Variants in FOXP2 observed in about 807,000 individuals in gnomAD.
FOXP2 encodes forkhead box protein P2.
A neutral mutation model predicts 115.8 loss-of-function variants in FOXP2; 12 were observed. The observed-to-expected ratio is 0.10, with a 90% confidence interval of 0.07 to 0.17. The LOEUF is 0.17. FOXP2 is among the 10% of genes least tolerant of loss of function. The pLI is 1.00. For synonymous variants in FOXP2, 328 were observed against 297.7 expected, an observed-to-expected ratio of 1.10 and a Z score of -1.05; for missense variants, 629 against 843.5, an observed-to-expected ratio of 0.75 and a Z score of 3.15.
chr7:114,457,502 G>C (rs1462082625), intron 2 of FOXP2, among the ~76,000 whole-genome samples: 1 of 152,036 alleles, frequency 6.6e-6, no homozygotes, highest in African/African-American at 2.4e-5. Flanking sequence ...GTCATATTGT[G>C]AAAAAAATTG....
At chr7:114,660,917 T>G (rs186734936) in intron 13 of FOXP2, among the ~76,000 whole-genome samples, 81 of 152,248 alleles carry the variant, frequency 5.3e-4, no homozygotes, top group Admixed American at 1.4e-3. Flanking sequence ...GAACAGCTTA[T>G]TAGTTCTAAC....
Position 114,482,404 on chromosome 7 carries a change from T to A in FOXP2, c.169-52213T>A, listed in dbSNP as rs185365847. On this transcript the variant is annotated intron_variant, in intron 2 of 16. Coordinates refer to ENST00000350908, the MANE Select transcript of FOXP2 (RefSeq NM_014491.4). ...TGCTCAATTGTTATGCCAAATTGGA[T>A]TTTCAACTGAAGGTAATTTGAGATT... Among the ~76,000 whole-genome samples, 53 of 151,704 alleles carry A rather than the reference T, an allele frequency of 3.5e-4. No homozygotes were observed. In the East Asian group the frequency reaches 8.7e-3, roughly 25 times the overall value.
intron 1 of FOXP2, among the ~76,000 whole-genome samples, chr7:114,148,818 T>C (rs1792454441): frequency 6.6e-6 from 1 of 152,192 alleles, no homozygotes; most frequent in South Asian, 2.1e-4. Context: ...TTTATAAATA[T>C]GCCACATCTG....
chr7:114,535,405 A>G (rs890176221), intron 3 of FOXP2, among the ~76,000 whole-genome samples: 18 of 151,644 alleles, frequency 1.2e-4, no homozygotes, highest in Non-Finnish European at 2.2e-4. Flanking sequence ...GAATTGCATA[A>G]AACATCTCTC....
rs56751704 is a variant in FOXP2, at chr7:114,688,208, TACACACACAC to T, written c.2004-1544_2004-1535del. Among the ~76,000 whole-genome samples, 589 of 115,346 alleles carry T rather than the reference TACACACACAC, an allele frequency of 5.1e-3. 17 individuals are homozygous for T. Among genetic ancestry groups the T allele is most frequent in the Non-Finnish European group, 6.7e-3 (398 of 59,094 alleles). 75.7% of individuals were successfully genotyped at this position (115,346 alleles called of 152,430 possible). On this transcript the variant is annotated intron_variant, in intron 16 of 16. Coordinates refer to ENST00000350908, the MANE Select transcript of FOXP2 (RefSeq NM_014491.4). The stretch of plus-strand genomic sequence containing the variant: ...ACACACAAACACATGCATACATGCA[TACACACACAC>T]ACACACACACACACACACACACACA...
At chr7:114,381,351 G>A (rs925425654) in intron 2 of FOXP2, among the ~76,000 whole-genome samples, 6 of 152,106 alleles carry the variant, frequency 3.9e-5, no homozygotes, top group Admixed American at 6.5e-5. Flanking sequence ...GTGGCTTGAT[G>A]GCACAAGATT....
chr7:114,525,597 C>T (rs1264818300), intron 2 of FOXP2, among the ~76,000 whole-genome samples: 5 of 152,110 alleles, frequency 3.3e-5, no homozygotes, highest in Non-Finnish European at 4.4e-5. Flanking sequence ...ATTCCAATCT[C>T]TCTCTCATTC....
chr7:114,682,283 AT>A (rs567840965), intron 16 of FOXP2, among the ~76,000 whole-genome samples: 16 of 152,166 alleles, frequency 1.1e-4, no homozygotes, highest in Non-Finnish European at 1.9e-4. Context: ...AATATTATAA[AT>A]GAGGTGCCTA....
intron 1 of FOXP2, among the ~76,000 whole-genome samples, chr7:114,240,895 T>C (rs1795134880): frequency 6.6e-6 from 1 of 152,072 alleles, no homozygotes; most frequent in Non-Finnish European, 1.5e-5. Context: ...TTGTTTTCTT[T>C]CTACATTTAA....
At chr7:114,331,154 GATAA>G (rs1797701160) in intron 2 of FOXP2, among the ~76,000 whole-genome samples, 1 of 152,052 alleles carries the variant, frequency 6.6e-6, no homozygotes, top group Admixed American at 6.5e-5. Flanking sequence ...AATACTTTTT[GATAA>G]ATAAGACAAA....
At chr7:114,657,992 T>A in intron 10 of FOXP2, 74 bp from the exon 11 acceptor site, 4 of 1,540,464 alleles carry the variant, frequency 2.6e-6, no homozygotes, top group Non-Finnish European at 3.6e-6. Context: ...GAATCCACTC[T>A]CATTTGTCAA....
At chr7:114,214,647 T>G (rs1292278150) in intron 1 of FOXP2, among the ~76,000 whole-genome samples, 1 of 152,154 alleles carries the variant, frequency 6.6e-6, no homozygotes, top group African/African-American at 2.4e-5. Context: ...GCCACAGAGC[T>G]CTGCAGGTTG....
At chr7:114,413,156 A>T (rs1041907683), upstream of FOXP2, among the ~76,000 whole-genome samples, 5 of 152,134 alleles carry the variant, frequency 3.3e-5, no homozygotes, top group African/African-American at 1.2e-4. Flanking sequence ...TGATGTGATA[A>T]TGGAAACTAT....
chr7:114,630,517 C>A (rs773078351), intron 5 of FOXP2: 66 of 173,842 alleles, frequency 3.8e-4, no homozygotes, highest in Non-Finnish European at 7.3e-4. Context: ...AACTGACAAG[C>A]GGGCTTCTCA....
chr7:114,239,029 C>T (rs1400307359), intron 1 of FOXP2, among the ~76,000 whole-genome samples: 1 of 147,624 alleles, frequency 6.8e-6, no homozygotes, highest in African/African-American at 2.6e-5. Flanking sequence ...ACAGCATTCA[C>T]GTTTCAGTTA....
chr7:114,467,452 G>A (rs1795852012), intron 2 of FOXP2, among the ~76,000 whole-genome samples: 1 of 152,146 alleles, frequency 6.6e-6, no homozygotes, highest in Admixed American at 6.6e-5. Flanking sequence ...GAAAAGTGAA[G>A]AGTGAGAGTA....
intron 2 of FOXP2, among the ~76,000 whole-genome samples, chr7:114,480,753 A>G (rs1047434342): frequency 4.7e-5 from 7 of 150,444 alleles, no homozygotes; most frequent in African/African-American, 1.7e-4. Context: ...ATGTATGTAT[A>G]CGTATATATA....
intron 2 of FOXP2, among the ~76,000 whole-genome samples, chr7:114,459,686 G>A (rs534592730): frequency 6.6e-6 from 1 of 152,186 alleles, no homozygotes; most frequent in South Asian, 2.1e-4. Context: ...TGTGATCTCG[G>A]CTCACAGCAA....
At chr7:114,509,966 G>C (rs1466160984) in intron 2 of FOXP2, among the ~76,000 whole-genome samples, 1 of 151,986 alleles carries the variant, frequency 6.6e-6, no homozygotes, top group South Asian at 2.1e-4. Context: ...ATCGGGAGAG[G>C]TAGAAAACAT....
Sources: gnomAD v4.1 joint callset for allele counts (sites outside exome capture counted in the v4.1 genomes callset) on GRCh38, gnomAD v4.1.1 for gene constraint, MANE v1.5 for transcripts, NCBI Gene and HGNC (gene_info 2026-07-23, HGNC 2026-07-21) for gene names.